Variants in RGS10 observed in about 807,000 individuals in gnomAD.
RGS10 encodes the protein regulator of G-protein signalling 10.
Under a neutral mutation model 23.5 loss-of-function variants are expected in RGS10, and 11 were observed. The observed-to-expected ratio is 0.47, with a 90% CI of 0.29 to 0.77. The LOEUF is 0.77. RGS10 is among the 30% of genes least tolerant of loss of function. RGS10 has a pLI of 0.08. For missense variants in RGS10, 180 were observed against 226.3 expected, an observed-to-expected ratio of 0.80 and a Z score of 1.31; for synonymous variants, 77 against 83.2, an observed-to-expected ratio of 0.92 and a Z score of 0.41.
chr10:119,515,501 C>T lies in RGS10; in HGVS notation c.399+8G>A, dbSNP rs200818814. 20 of 1,613,800 alleles carry T rather than the reference C, an allele frequency of 1.2e-5. No individual in the cohort carries two copies. Among genetic ancestry groups the T allele is most frequent in the African/African-American group, 4.0e-5 (3 of 74,878 alleles). On this transcript the variant is annotated splice_region_variant and intron_variant, in intron 4 of 4. Coordinates refer to ENST00000369103, the MANE Select transcript of RGS10 (RefSeq NM_001005339.2). The stretch of plus-strand genomic sequence containing the variant: ...CAAATCAAGGTGCAGGCAGGGAAGT[C>T]GGGTTACCTGGTCCTGGAGTTTCTG...
At chr10:119,526,886 C>T (rs1283019094) in intron 2 of RGS10, among the ~76,000 whole-genome samples, 3 of 152,094 alleles carry the variant, frequency 2.0e-5, no homozygotes, top group African/African-American at 4.8e-5. Context: ...GCCCTGCTCT[C>T]GGAGGTCCCT....
chr10:119,542,055 C>T (rs1844439306), intron 1 of RGS10, among the ~76,000 whole-genome samples: 1 of 152,212 alleles, frequency 6.6e-6, no homozygotes, highest in East Asian at 1.9e-4. Flanking sequence ...CGCAGAAGTG[C>T]CCTTCTCCAT....
Position 119,517,701 on chromosome 10 carries a change from C to T in RGS10, c.256-2049G>A, listed in dbSNP as rs545545101. Among the ~76,000 whole-genome samples, 2 of 152,204 alleles carry T rather than the reference C, an allele frequency of 1.3e-5. No individual in the cohort carries two copies. Among genetic ancestry groups the T allele is most frequent in the African/African-American group, 4.8e-5 (2 of 41,458 alleles). On this transcript the variant is annotated intron_variant, in intron 3 of 4. Coordinates refer to ENST00000369103, the MANE Select transcript of RGS10 (RefSeq NM_001005339.2). The surrounding 1 kb of genome is among the most constrained non-coding windows in gnomAD (Gnocchi z 5.0). ...ACACACACGCACACACGTGCACACA[C>T]GCACACACATACACACATGAATCCA... is the stretch of plus-strand genomic sequence containing the variant.
Position 119,515,418 on chromosome 10 carries a change from G to A in RGS10, c.399+91C>T, listed in dbSNP as rs1844130633. 4 of 1,482,394 alleles carry A rather than the reference G, an allele frequency of 2.7e-6. No homozygotes were observed. In the African/African-American group the frequency reaches 5.5e-5, roughly 20 times the overall value. 91.8% of individuals were successfully genotyped at this position (1,482,394 alleles called of 1,614,324 possible). A position where few individuals can be genotyped will look rare whatever the true frequency, so the allele number is the denominator to read the frequency against. On this transcript the variant is annotated intron_variant, in intron 4 of 4. Transcript: ENST00000369103. ...CCGGCCGTATGAGATGGTTTCCAGG[G>A]AGTCTAACATCGGGTGTTTCAGTAA...
chr10:119,532,996 C>T (rs1380898574), intron 1 of RGS10, among the ~76,000 whole-genome samples: 2 of 149,142 alleles, frequency 1.3e-5, no homozygotes, highest in Admixed American at 6.7e-5. Context: ...GCCGATATTG[C>T]GCCACTGCAC....
At chr10:119,539,615 A>G (rs948389824) in intron 1 of RGS10, among the ~76,000 whole-genome samples, 6 of 152,198 alleles carry the variant, frequency 3.9e-5, no homozygotes, top group African/African-American at 1.4e-4. Flanking sequence ...ACAGTCCCCA[A>G]CACTGAATCA....
intron 4 of RGS10, among the ~76,000 whole-genome samples, chr10:119,503,264 G>A (rs528370163): frequency 9.0e-4 from 136 of 151,750 alleles, no homozygotes; most frequent in African/African-American, 3.0e-3. Flanking sequence ...ACCTAAGCCC[G>A]CGGAGGTTGA....
At chr10:119,529,192 C>A (rs1260785668) in intron 1 of RGS10, among the ~76,000 whole-genome samples, 1 of 152,176 alleles carries the variant, frequency 6.6e-6, no homozygotes, top group East Asian at 1.9e-4. Flanking sequence ...GTGGCTCACG[C>A]CTGTAATCCT....
chr10:119,528,101 G>A (rs756506612), intron 1 of RGS10, among the ~76,000 whole-genome samples: 1 of 152,084 alleles, frequency 6.6e-6, no homozygotes, highest in Non-Finnish European at 1.5e-5. Context: ...CACAGTCTCG[G>A]CTCACTGCAA....
At chr10:119,500,957 G>A (rs1843946482) in intron 4 of RGS10, among the ~76,000 whole-genome samples, 1 of 152,126 alleles carries the variant, frequency 6.6e-6, no homozygotes, top group Admixed American at 6.5e-5. Context: ...CAGAGCTGAA[G>A]TGCCCCAGAT....
intron 4 of RGS10, among the ~76,000 whole-genome samples, chr10:119,511,947 G>A (rs924177457): frequency 6.6e-6 from 1 of 152,202 alleles, no homozygotes; most frequent in Admixed American, 6.5e-5. Flanking sequence ...AGAACTGTGT[G>A]CAAACCAAGA....
chr10:119,534,289 A>G (rs1844361737), intron 1 of RGS10, among the ~76,000 whole-genome samples: 1 of 105,642 alleles, frequency 9.5e-6, no homozygotes, highest in Admixed American at 9.2e-5. Context: ...ATAAATAAAT[A>G]AATAAATAAA....
chr10:119,542,700 A>G lies in RGS10; in HGVS notation c.-62T>C. 1 of 1,312,800 alleles carries G rather than the reference A, an allele frequency of 7.6e-7. No individual in the cohort carries two copies. Among genetic ancestry groups the G allele is most frequent in the Non-Finnish European group, 9.8e-7 (1 of 1,024,316 alleles). The allele number at this position is 1,312,800 out of a possible 1,614,324, so 81.3% of individuals were successfully genotyped here. A position where few individuals can be genotyped will look rare whatever the true frequency, so the allele number is the denominator to read the frequency against. On this transcript the variant is annotated 5_prime_UTR_variant, in exon 1 of 5. Transcript: ENST00000369103. The stretch of plus-strand genomic sequence containing the variant: ...GGCGGCGCGGCGGCTGAGCCGGAGG[A>G]AGGCGAGGAGGAGGAGGAGGGCGAG...
At chr10:119,523,717 G>C (rs959880594) in intron 3 of RGS10, among the ~76,000 whole-genome samples, 3 of 152,178 alleles carry the variant, frequency 2.0e-5, no homozygotes, top group Non-Finnish European at 2.9e-5. Context: ...GCATGGAAAG[G>C]GGCTGCCCAT....
At chr10:119,533,311 G>A (rs1844351284) in intron 1 of RGS10, among the ~76,000 whole-genome samples, 1 of 151,722 alleles carries the variant, frequency 6.6e-6, no homozygotes, top group African/African-American at 2.4e-5. Flanking sequence ...CAGCCTGGGT[G>A]ACAGAGAGAG....
At chr10:119,521,958 T>C (rs913532686) in intron 3 of RGS10, among the ~76,000 whole-genome samples, 9 of 152,190 alleles carry the variant, frequency 5.9e-5, no homozygotes, top group Non-Finnish European at 1.2e-4. Flanking sequence ...AGCTGTGTTT[T>C]GGGCTCTTCT....
At chr10:119,531,932 C>T (rs975974777) in intron 1 of RGS10, among the ~76,000 whole-genome samples, 2 of 152,104 alleles carry the variant, frequency 1.3e-5, no homozygotes, top group African/African-American at 2.4e-5. Flanking sequence ...TTTTCAGGGA[C>T]GGGTCAGAAA....
chr10:119,537,343 T>C (rs1048294968), intron 1 of RGS10, among the ~76,000 whole-genome samples: 7 of 148,586 alleles, frequency 4.7e-5, no homozygotes, highest in East Asian at 2.0e-4. Context: ...GATTGCGCCA[T>C]TGCACTCCAG....
At chr10:119,528,283 G>A (rs1285748564) in intron 1 of RGS10, among the ~76,000 whole-genome samples, 4 of 151,946 alleles carry the variant, frequency 2.6e-5, no homozygotes, top group African/African-American at 4.8e-5. Context: ...CACCCACCTC[G>A]GCCTCCCAAA....
Sources: allele counts gnomAD v4.1 joint callset (sites outside exome capture counted in the v4.1 genomes callset), GRCh38; gene constraint gnomAD v4.1.1; non-coding constraint Gnocchi (gnomAD v3.1); transcripts MANE v1.5; gene names NCBI Gene and HGNC (gene_info 2026-07-23, HGNC 2026-07-21).